The following CSMD1 variants were observed in gnomAD, a reference collection of about 807,000 sequenced individuals.
CSMD1 encodes the protein CUB and Sushi multiple domains 1.
In CSMD1, 213 loss-of-function variants were observed where a neutral mutation model predicts 417.5. That is an observed-to-expected ratio of 0.51 (90% confidence interval 0.46 to 0.57). CSMD1 has a LOEUF of 0.57. CSMD1 is among the 20% of genes least tolerant of loss of function. The pLI, the probability that CSMD1 is intolerant of heterozygous loss-of-function variation, is 0.00. For missense variants in CSMD1, 6,923 were observed against 4,529.7 expected, an observed-to-expected ratio of 1.53 and a Z score of -15.17; for synonymous variants, 2,862 against 1,736.8, an observed-to-expected ratio of 1.65 and a Z score of -16.11.
intron 2 of CSMD1, among the ~76,000 whole-genome samples, chr8:4,624,642 G>C (rs1372282753): frequency 2.0e-5 from 3 of 152,126 alleles, no homozygotes; most frequent in Non-Finnish European, 4.4e-5. Flanking sequence ...GCAACGGTGG[G>C]TCGGTGCCCA....
intron 1 of CSMD1, among the ~76,000 whole-genome samples, chr8:4,651,751 C>T (rs1803910910): frequency 6.6e-6 from 1 of 152,136 alleles, no homozygotes; most frequent in African/African-American, 2.4e-5. Flanking sequence ...ACACACATAC[C>T]TACTCCCCAT....
At chr8:3,917,636 G>A (rs1808919348) in intron 5 of CSMD1, among the ~76,000 whole-genome samples, 1 of 151,958 alleles carries the variant, frequency 6.6e-6, no homozygotes, top group East Asian at 1.9e-4. Flanking sequence ...TCTTAAAAAT[G>A]CTTATTATGG....
chr8:4,423,554 CTAAA>C (rs1357086044), intron 2 of CSMD1, among the ~76,000 whole-genome samples: 1 of 151,884 alleles, frequency 6.6e-6, no homozygotes, highest in African/African-American at 2.4e-5. Flanking sequence ...CAAAGAAATG[CTAAA>C]TAAATGGACA....
At chr8:4,520,402 T>G (rs1585195622) in intron 2 of CSMD1, among the ~76,000 whole-genome samples, 1 of 152,176 alleles carries the variant, frequency 6.6e-6, no homozygotes, top group Non-Finnish European at 1.5e-5. Context: ...GTTGGCTAGC[T>G]GGTAGCAAAA....
chr8:3,212,454 T>A (rs946103774), intron 30 of CSMD1, among the ~76,000 whole-genome samples: 4 of 152,102 alleles, frequency 2.6e-5, no homozygotes, highest in Non-Finnish European at 5.9e-5. Flanking sequence ...GCTCCAGCGA[T>A]CCTCCTACCT....
intron 1 of CSMD1, among the ~76,000 whole-genome samples, chr8:4,944,061 G>T (rs919481118): frequency 6.6e-6 from 1 of 152,184 alleles, no homozygotes; most frequent in Non-Finnish European, 1.5e-5. Flanking sequence ...AAGTGAGGAA[G>T]ATGTTTGATA....
At chr8:3,654,754 G>C (rs1383395302) in intron 7 of CSMD1, among the ~76,000 whole-genome samples, 2 of 152,174 alleles carry the variant, frequency 1.3e-5, no homozygotes, top group African/African-American at 4.8e-5. Flanking sequence ...CAGGGCTTGA[G>C]CTGAACGGGG....
intron 52 of CSMD1, among the ~76,000 whole-genome samples, chr8:3,012,890 T>C (rs954378261): frequency 2.6e-5 from 4 of 152,264 alleles, no homozygotes; most frequent in East Asian, 1.9e-4. Context: ...GAAGAGATAA[T>C]TGAATCATGG....
intron 1 of CSMD1, among the ~76,000 whole-genome samples, chr8:4,820,360 T>C (rs1251761873): frequency 6.6e-6 from 1 of 152,170 alleles, no homozygotes; most frequent in Non-Finnish European, 1.5e-5. Flanking sequence ...ATGACTCATA[T>C]GCACTTCTAT....
chr8:3,039,263 T>C (rs1471792777), intron 50 of CSMD1, among the ~76,000 whole-genome samples: 2 of 144,298 alleles, frequency 1.4e-5, no homozygotes, highest in Non-Finnish European at 3.1e-5. Context: ...CCTGAAACCA[T>C]TTCTTGACCC....
At chr8:3,363,084 T>G (rs547705607) in intron 20 of CSMD1, among the ~76,000 whole-genome samples, 1 of 152,198 alleles carries the variant, frequency 6.6e-6, no homozygotes, top group Non-Finnish European at 1.5e-5. Flanking sequence ...CTGGCCACAG[T>G]GCCCCTCTGC....
At chr8:3,436,515 G>A (rs113757626) in intron 12 of CSMD1, among the ~76,000 whole-genome samples, 2,942 of 152,246 alleles carry the variant, frequency 0.019, 105 homozygotes, top group African/African-American at 0.066. Context: ...TGTAAATTAA[G>A]TGTAATGTTT....
At chr8:3,298,255 A>G (rs1033155305) in intron 25 of CSMD1, among the ~76,000 whole-genome samples, 4 of 152,196 alleles carry the variant, frequency 2.6e-5, no homozygotes, top group Admixed American at 2.6e-4. Context: ...GAAAAAGCAT[A>G]CATACATTCA....
At chr8:3,621,552 T>G (rs1273021552) in intron 7 of CSMD1, among the ~76,000 whole-genome samples, 3 of 152,078 alleles carry the variant, frequency 2.0e-5, no homozygotes, top group African/African-American at 7.2e-5. Flanking sequence ...ATCAATATAT[T>G]TAAAGCCACA....
chr8:3,391,779 C>A (rs919215028), intron 17 of CSMD1, among the ~76,000 whole-genome samples: 2 of 152,282 alleles, frequency 1.3e-5, no homozygotes, highest in South Asian at 4.1e-4. Flanking sequence ...GTGATTTCTG[C>A]AACACATTTT....
intron 52 of CSMD1, among the ~76,000 whole-genome samples, chr8:3,013,391 A>G (rs1162619437): frequency 1.3e-5 from 2 of 152,188 alleles, no homozygotes; most frequent in African/African-American, 4.8e-5. Flanking sequence ...TTCACCTGAT[A>G]GCATTTTAAA....
chr8:4,489,710 C>A (rs1184777161), intron 2 of CSMD1, among the ~76,000 whole-genome samples: 2 of 152,166 alleles, frequency 1.3e-5, no homozygotes, highest in Non-Finnish European at 2.9e-5. Flanking sequence ...CAGCACCCTC[C>A]CTGCTCACAC....
intron 1 of CSMD1, among the ~76,000 whole-genome samples, chr8:4,657,749 G>T (rs758190341): frequency 6.9e-6 from 1 of 144,706 alleles, no homozygotes; most frequent in Admixed American, 6.8e-5. Context: ...CCCTGAAAAA[G>T]CACGGACATT....
intron 2 of CSMD1, among the ~76,000 whole-genome samples, chr8:4,561,744 G>A (rs908766541): frequency 6.6e-6 from 1 of 152,154 alleles, no homozygotes; most frequent in African/African-American, 2.4e-5. Flanking sequence ...ATCACTGAAA[G>A]CTTATTATTT....
Sources: allele counts gnomAD v4.1 joint callset (sites outside exome capture counted in the v4.1 genomes callset), GRCh38; gene constraint gnomAD v4.1.1; transcripts MANE v1.5; gene names NCBI Gene and HGNC (gene_info 2026-07-23, HGNC 2026-07-21).